Variants in ARMC3 observed in about 807,000 individuals in gnomAD.
ARMC3 encodes the protein armadillo repeat-containing protein 3.
In ARMC3, 74 loss-of-function variants were observed where a neutral mutation model predicts 90.3. That is an observed-to-expected ratio of 0.82 (90% CI 0.68 to 0.99). The LOEUF is 0.99. Ranked by LOEUF, ARMC3 falls within the 50% of genes least tolerant of loss-of-function variation. The probability of loss-of-function intolerance (pLI) is 0.00; values close to 1 mark genes in which losing one functional copy is unlikely to be tolerated. For synonymous variants in ARMC3, 334 were observed against 361.8 expected (o/e 0.92, Z 0.87); for missense variants, 958 against 1,042.8 (o/e 0.92, Z 1.12).
chr10:22,944,860 T>C (rs1397453902), intron 2 of ARMC3, among the ~76,000 whole-genome samples: 1 of 152,214 alleles, frequency 6.6e-6, no homozygotes, highest in African/African-American at 2.4e-5. Context: ...TCTCATTGGA[T>C]CATGTCTAGA....
intron 16 of ARMC3, among the ~76,000 whole-genome samples, chr10:23,020,613 GT>G (rs1481817738): frequency 6.6e-6 from 1 of 152,172 alleles, no homozygotes; most frequent in Non-Finnish European, 1.5e-5. Flanking sequence ...ACTTGGGATT[GT>G]TAGTATTTAT....
intron 18 of ARMC3, among the ~76,000 whole-genome samples, chr10:23,035,481 C>G (rs1447041806): frequency 6.6e-6 from 1 of 152,086 alleles, no homozygotes; most frequent in Non-Finnish European, 1.5e-5. Flanking sequence ...ATTCTGAACA[C>G]CAATACTCAC....
At chr10:22,993,961 G>A (rs1320916699) in intron 10 of ARMC3, among the ~76,000 whole-genome samples, 1 of 152,126 alleles carries the variant, frequency 6.6e-6, no homozygotes, top group Non-Finnish European at 1.5e-5. Flanking sequence ...GTGGGGCTTG[G>A]GCATTTGAAT....
intron 18 of ARMC3, among the ~76,000 whole-genome samples, chr10:23,034,374 T>C (rs1564409174): frequency 6.6e-6 from 1 of 152,230 alleles, no homozygotes; most frequent in African/African-American, 2.4e-5. Flanking sequence ...TTGAACTATA[T>C]GCCAGGGACT....
intron 17 of ARMC3, chr10:23,031,093 A>C (rs941345479): frequency 7.4e-6 from 2 of 270,074 alleles, no homozygotes; most frequent in African/African-American, 2.2e-5. Context: ...TGAATGAATC[A>C]AAAGTTTGAA....
At chr10:23,023,454 A>G (rs1015112181) in intron 16 of ARMC3, among the ~76,000 whole-genome samples, 5 of 152,222 alleles carry the variant, frequency 3.3e-5, no homozygotes, top group African/African-American at 4.8e-5. Context: ...AAGACCTGTC[A>G]TATCAGGAAC....
rs750988152 is a variant in ARMC3 at position 22,981,446 on chromosome 10, A to G, written c.1023A>G (p.Ser341=). Residue 341 remains serine, a synonymous_variant, in exon 9 of 19, where the codon TCA becomes TCG. Coordinates refer to ENST00000298032, the MANE Select transcript of ARMC3 (RefSeq NM_173081.5). ...GTKIAASQAI[S]AMCENSGSKD... ...AAATTGCTGCTTCCCAAGCTATTTC[A>G]GCAATGTGTGAGAATTCAGGCAGCA... 5.6e-6 allele frequency: 9 copies of G among 1,614,050 alleles called. No homozygotes were observed. In the South Asian group the frequency reaches 8.8e-5, roughly 16 times the overall value.
At chr10:23,016,442 C>A (rs1324765482) in intron 16 of ARMC3, among the ~76,000 whole-genome samples, 3 of 152,136 alleles carry the variant, frequency 2.0e-5, no homozygotes, top group African/African-American at 4.8e-5. Flanking sequence ...AGAAAAATAA[C>A]CTTAGAGCTT....
intron 13 of ARMC3, among the ~76,000 whole-genome samples, chr10:23,006,480 C>A (rs2131452925): frequency 6.6e-6 from 1 of 152,346 alleles, no homozygotes; most frequent in East Asian, 1.9e-4. Context: ...GTGAAACTGC[C>A]TGCACAGGGC....
At chr10:23,010,933 T>TGC (rs1554785216) in intron 16 of ARMC3, among the ~76,000 whole-genome samples, 1 of 42,034 alleles carries the variant, frequency 2.4e-5, no homozygotes, top group Admixed American at 2.4e-4. Context: ...CCCTCCCCCT[T>TGC]CCTTCCTTTC....
At chr10:22,940,713 C>T (rs1221879500) in intron 2 of ARMC3, among the ~76,000 whole-genome samples, 2 of 152,138 alleles carry the variant, frequency 1.3e-5, no homozygotes, top group African/African-American at 2.4e-5. Context: ...CTTGAATTCT[C>T]GGCCTCAAGT....
At chr10:22,985,887 G>C (rs569601270) in intron 10 of ARMC3, among the ~76,000 whole-genome samples, 1 of 152,190 alleles carries the variant, frequency 6.6e-6, no homozygotes, top group African/African-American at 2.4e-5. Context: ...GCAGGCTGTG[G>C]TTCTCTCCCT....
rs1295007455 is a variant in ARMC3 at position 23,001,997 on chromosome 10, T to G, written c.1504T>G (p.Trp502Gly). 1.2e-6 allele frequency: 2 copies of G among 1,613,934 alleles called. No individual in the cohort carries two copies. ...TGATGAAGTGAGGAAGCACGCCAGT[T>G]GGGCAGTGATGGTCTGTGCTGGTGA... ...KNDEVRKHAS[W>G]AVMVCAGDEL... is the part of the protein sequence containing the mutation. The change falls in exon 12 of 19, where the codon TGG becomes GGG. Residue 502 changes from tryptophan (W) to glycine (G), a missense_variant. Physicochemically the swap from Trp to Gly is radical, Grantham distance 184. Coordinates refer to ENST00000298032, the MANE Select transcript of ARMC3 (RefSeq NM_173081.5).
chr10:22,969,445 A>G (rs767546033), intron 8 of ARMC3, among the ~76,000 whole-genome samples: 5 of 152,196 alleles, frequency 3.3e-5, no homozygotes, highest in Non-Finnish European at 5.9e-5. Context: ...ACATCTGTAT[A>G]TTGATATGTA....
At chr10:22,966,516 T>C (rs1835446670) in intron 7 of ARMC3, among the ~76,000 whole-genome samples, 2 of 152,238 alleles carry the variant, frequency 1.3e-5, no homozygotes, top group African/African-American at 4.8e-5. Context: ...TACTCAGATT[T>C]TGGGTTATAC....
chr10:23,007,853 C>T (rs1384429475), intron 14 of ARMC3, among the ~76,000 whole-genome samples: 2 of 152,116 alleles, frequency 1.3e-5, no homozygotes, highest in Non-Finnish European at 2.9e-5. Context: ...CCTATAATCC[C>T]AACCCTTTGT....
chr10:22,995,472 C>G (rs942826055), intron 10 of ARMC3, among the ~76,000 whole-genome samples: 8 of 152,130 alleles, frequency 5.3e-5, no homozygotes, highest in African/African-American at 1.9e-4. Context: ...CACGACTCAT[C>G]TTTCTGTGCT....
At chr10:23,005,654 T>G (rs893369456) in intron 13 of ARMC3, among the ~76,000 whole-genome samples, 1 of 152,006 alleles carries the variant, frequency 6.6e-6, no homozygotes, top group Non-Finnish European at 1.5e-5. Context: ...CACCTGAGGT[T>G]AGGAGTTGGA....
chr10:22,960,691 G>C (rs2131255270), intron 6 of ARMC3: 1 of 152,314 alleles, frequency 6.6e-6, no homozygotes, highest in South Asian at 2.1e-4. Flanking sequence ...TAAAAACTGT[G>C]TATTAGTTTC....
Sources: allele counts gnomAD v4.1 joint callset (sites outside exome capture counted in the v4.1 genomes callset), GRCh38; gene constraint gnomAD v4.1.1; transcripts MANE v1.5; gene names NCBI Gene and HGNC (gene_info 2026-07-23, HGNC 2026-07-21).